ACYP2: variants seen among roughly 807,000 people sequenced by gnomAD.
ACYP2 encodes acylphosphatase 2.
Under a neutral mutation model 11.2 loss-of-function variants are expected in ACYP2, and 12 were observed. That is an observed-to-expected ratio of 1.08 (90% CI 0.69 to 1.74). The LOEUF (loss-of-function observed/expected upper bound fraction) is 1.74. Ranked by LOEUF, ACYP2 falls within the 40% of genes most tolerant of loss-of-function variation. ACYP2 has a pLI of 0.00. For synonymous variants in ACYP2, 43 were observed against 32.2 expected, an observed-to-expected ratio of 1.33 and a Z score of -1.13; for missense variants, 134 against 101.9, an observed-to-expected ratio of 1.31 and a Z score of -1.35.
chr2:54,296,807 G>T (rs1357800108), intron 6 of ACYP2, among the ~76,000 whole-genome samples: 1 of 152,148 alleles, frequency 6.6e-6, no homozygotes, highest in Non-Finnish European at 1.5e-5. Context: ...ATCAACAGAA[G>T]TTTCCAGTTT....
intron 4 of ACYP2, among the ~76,000 whole-genome samples, chr2:54,096,168 C>T (rs1311832450): frequency 1.4e-5 from 2 of 144,468 alleles, no homozygotes; most frequent in South Asian, 4.6e-4. Flanking sequence ...GGGCGGCTGC[C>T]GGGTGGAGGG....
intron 2 of ACYP2, among the ~76,000 whole-genome samples, chr2:54,024,612 C>G (rs1460551617): frequency 6.6e-6 from 1 of 152,168 alleles, no homozygotes; most frequent in Non-Finnish European, 1.5e-5. Flanking sequence ...CCATATATGA[C>G]AAACCCACAG....
chr2:54,054,100 G>A (rs906629474), intron 3 of ACYP2, among the ~76,000 whole-genome samples: 3 of 152,140 alleles, frequency 2.0e-5, no homozygotes, highest in South Asian at 2.1e-4. Context: ...TTCGAGATAG[G>A]GATTTTCCTG....
chr2:54,115,846 T>A, intron 4 of ACYP2, 90 bp downstream of exon 1: 1 of 1,372,014 alleles, frequency 7.3e-7, no homozygotes, highest in Non-Finnish European at 9.6e-7. Context: ...AAAGTATGCC[T>A]TTTCCCGTTG....
chr2:54,115,446 C>G, intron 4 of ACYP2, 169 bp from the exon 1 acceptor site: 2 of 889,962 alleles, frequency 2.2e-6, no homozygotes, highest in South Asian at 3.7e-5. Flanking sequence ...CCTCCCCAGT[C>G]CGGGAAGAGA....
At chr2:54,044,672 G>A (rs188533335) in intron 2 of ACYP2, among the ~76,000 whole-genome samples, 22 of 152,104 alleles carry the variant, frequency 1.4e-4, no homozygotes, top group Admixed American at 4.6e-4. Flanking sequence ...ACAAGGATAT[G>A]AGGCCTTTTC....
chr2:54,154,261 A>G (rs1682333702), intron 6 of ACYP2, among the ~76,000 whole-genome samples: 1 of 152,098 alleles, frequency 6.6e-6, no homozygotes, highest in Non-Finnish European at 1.5e-5. Flanking sequence ...TTCCTTTCCT[A>G]TTTGAATGCC....
intron 2 of ACYP2, among the ~76,000 whole-genome samples, chr2:54,046,177 A>G (rs1675512286): frequency 6.6e-6 from 1 of 150,920 alleles, no homozygotes. Context: ...CAAAAAAAAA[A>G]AAAAAAAAAA....
chr2:53,989,363 T>C (rs1220569448), intron 2 of ACYP2, among the ~76,000 whole-genome samples: 4 of 151,472 alleles, frequency 2.6e-5, no homozygotes, highest in Non-Finnish European at 5.9e-5. Context: ...GTGCTAGGAT[T>C]ATAGGCATGA....
rs1423266999 is a variant in ACYP2 at position 53,971,116 on chromosome 2, G to A, written c.-242G>A. Reference sequence around the variant, plus strand: ...CGACGGCGTCGGGGGAGGCGGTGGTGGCGGCAGCTGGAGCCCAACGGGCTG... The same window carrying A: ...CGACGGCGTCGGGGGAGGCGGTGGTAGCGGCAGCTGGAGCCCAACGGGCTG... On this transcript the variant is annotated 5_prime_UTR_variant, in exon 1 of 7. Coordinates refer to ENST00000607452, the MANE Select transcript of ACYP2 (RefSeq NM_001320586.2). 4.0e-6 allele frequency: 1 copy of A among 251,536 alleles called. No homozygotes were observed. The highest frequency in any genetic ancestry group is 7.5e-6 in the Non-Finnish European group (1 of 133,276). 15.6% of individuals were successfully genotyped at this position (251,536 alleles called of 1,614,324 possible). A position where few individuals can be genotyped will look rare whatever the true frequency, so the allele number is the denominator to read the frequency against.
intron 6 of ACYP2, among the ~76,000 whole-genome samples, chr2:54,174,509 C>T (rs1046325446): frequency 1.3e-5 from 2 of 152,054 alleles, no homozygotes; most frequent in African/African-American, 4.8e-5. Context: ...AATTGGATAC[C>T]CTTTATTTCT....
chr2:54,007,322 C>T (rs1377990989), intron 2 of ACYP2, among the ~76,000 whole-genome samples: 2 of 148,198 alleles, frequency 1.3e-5, no homozygotes, highest in East Asian at 2.1e-4. Flanking sequence ...GGCACAATCT[C>T]GGCTCACCGC....
intron 4 of ACYP2, among the ~76,000 whole-genome samples, chr2:54,070,794 T>C (rs543792619): frequency 1.8e-3 from 272 of 150,998 alleles, no homozygotes; most frequent in Non-Finnish European, 3.2e-3. Context: ...TGGAGTGCAG[T>C]GGCACGATTA....
At chr2:54,116,083 G>T (rs1044276461) in intron 4 of ACYP2, among the ~76,000 whole-genome samples, 2 of 152,128 alleles carry the variant, frequency 1.3e-5, no homozygotes, top group Non-Finnish European at 2.9e-5. Context: ...AAAGAAGAGG[G>T]TCTTTTAACT....
intron 6 of ACYP2, among the ~76,000 whole-genome samples, chr2:54,288,592 C>T (rs1359085485): frequency 6.6e-6 from 1 of 151,976 alleles, no homozygotes; most frequent in Non-Finnish European, 1.5e-5. Context: ...ATAAATGATG[C>T]ATGGTATTCT....
chr2:54,232,851 A>C (rs932533036), intron 6 of ACYP2, among the ~76,000 whole-genome samples: 1 of 152,162 alleles, frequency 6.6e-6, no homozygotes, highest in Non-Finnish European at 1.5e-5. Flanking sequence ...TCCGCCCCCA[A>C]GATGCAGTCA....
intron 6 of ACYP2, among the ~76,000 whole-genome samples, chr2:54,261,988 C>A (rs1248211654): frequency 6.6e-6 from 1 of 152,064 alleles, no homozygotes; most frequent in Non-Finnish European, 1.5e-5. Context: ...TTTGAGTTAC[C>A]AGGGCATGGG....
At chr2:54,081,130 T>C (rs1475884769) in intron 4 of ACYP2, among the ~76,000 whole-genome samples, 6 of 152,224 alleles carry the variant, frequency 3.9e-5, no homozygotes, top group African/African-American at 1.4e-4. Flanking sequence ...TTCTGTGATA[T>C]CCTCATTGAA....
intron 6 of ACYP2, among the ~76,000 whole-genome samples, chr2:54,233,293 T>A (rs956180470): frequency 4.6e-5 from 7 of 150,584 alleles, no homozygotes; most frequent in Non-Finnish European, 8.8e-5. Context: ...ATATGTATCA[T>A]TCCCTTCCAA....
Sources: allele counts gnomAD v4.1 joint callset (sites outside exome capture counted in the v4.1 genomes callset), GRCh38; gene constraint gnomAD v4.1.1; transcripts MANE v1.5; gene names NCBI Gene and HGNC (gene_info 2026-07-23, HGNC 2026-07-21).